Variants in ATP11C observed in about 807,000 individuals in gnomAD.
ATP11C encodes ATPase phospholipid transporting 11C (ATP11C blood group).
A neutral mutation model predicts 97.4 loss-of-function variants in ATP11C; 36 were observed. The ratio of observed to expected loss-of-function variants is 0.37; its 90% confidence interval spans 0.28 to 0.49. The LOEUF (loss-of-function observed/expected upper bound fraction) is 0.49, where lower values mean the gene tolerates loss of function less well. ATP11C is among the 20% of genes least tolerant of loss of function. ATP11C has a pLI of 0.98. For synonymous variants in ATP11C, 275 were observed against 290.9 expected (o/e 0.95, Z 0.56); for missense variants, 730 against 824.6 (o/e 0.89, Z 1.40).
At chrX:139,911,476 G>T (rs1038758857) in intron 1 of ATP11C, among the ~76,000 whole-genome samples, 13 of 112,011 alleles carry the variant, frequency 1.2e-4, no homozygotes, top group Non-Finnish European at 2.1e-4. Flanking sequence ...ACAATAGCAA[G>T]TGTTGAGAAA....
At chrX:139,847,283 T>A (rs562840581) in intron 1 of ATP11C, among the ~76,000 whole-genome samples, 2 of 110,654 alleles carry the variant, frequency 1.8e-5, no homozygotes, top group East Asian at 5.7e-4. Flanking sequence ...CTCGGGAGAT[T>A]GAGGCAGGAG....
chrX:139,734,879 G>T (rs1355596814), intron 28 of ATP11C, among the ~76,000 whole-genome samples: 1 of 111,606 alleles, frequency 9.0e-6, no homozygotes, highest in African/African-American at 3.3e-5. Flanking sequence ...TACATTTGAA[G>T]ATACTGGAAT....
chrX:139,860,259 A>G lies in ATP11C; in HGVS notation c.28-33436T>C, dbSNP rs750968181. Among the ~76,000 whole-genome samples, 3 of 111,725 alleles carry G rather than the reference A, an allele frequency of 2.7e-5. No homozygotes were observed. The East Asian group carries it at 8.4e-4, about 31-fold the overall frequency. Reference sequence around the variant, plus strand: ...ATAGGTAGAGAGATGCAGCAAGAGTAAAACTGCACCATTTATGCCAACTCT... The same window carrying G: ...ATAGGTAGAGAGATGCAGCAAGAGTGAAACTGCACCATTTATGCCAACTCT... On this transcript the variant is annotated intron_variant, in intron 1 of 29. Transcript: ENST00000682941.
chrX:139,859,599 G>A (rs2084148229), intron 1 of ATP11C, among the ~76,000 whole-genome samples: 1 of 111,986 alleles, frequency 8.9e-6, no homozygotes, highest in Admixed American at 9.5e-5. Context: ...CAACCTTAAT[G>A]TGTTACCAGA....
At chrX:139,883,407 T>C (rs1361155) in intron 1 of ATP11C, among the ~76,000 whole-genome samples, 5,501 of 110,759 alleles carry the variant, frequency 0.05, 236 homozygotes, top group East Asian at 0.29. Context: ...CGACTGGTTA[T>C]TTCATGAACT....
chrX:139,751,671 G>A (rs894930326), intron 23 of ATP11C, among the ~76,000 whole-genome samples: 2 of 110,663 alleles, frequency 1.8e-5, no homozygotes, highest in East Asian at 2.9e-4. Context: ...TCACATGACA[G>A]ATAATTGTAA....
In ATP11C at chrX:139,762,225, T is replaced by C. The variant is rs758893817; in HGVS notation, c.2495-119A>G. 5.3e-5 allele frequency: 31 copies of C among 584,656 alleles called. No homozygotes were observed. In the East Asian group the frequency reaches 1.1e-3, roughly 20 times the overall value. The allele number at this position is 584,656 out of a possible 1,213,427, so 48.2% of individuals were successfully genotyped here. A position where few individuals can be genotyped will look rare whatever the true frequency, so the allele number is the denominator to read the frequency against. ...TCAATTCTATCAATTAGTTTTCCTT[T>C]TTTAAAAACCAAAAGAGCTTTCTTT... On this transcript the variant is annotated intron_variant, in intron 21 of 29. Transcript: ENST00000682941.
rs1193832988 is a variant in ATP11C at position 139,727,368 on chromosome X, C to T, written c.*1598G>A. On this transcript the variant is annotated 3_prime_UTR_variant, in exon 30 of 30. Coordinates refer to ENST00000682941, the MANE Select transcript of ATP11C (RefSeq NM_001353812.2). The stretch of plus-strand genomic sequence containing the variant: ...AAATACGGGCTACCAGAACACAGCA[C>T]ACTTAGGTAAGTTGTGAATGACATG... 1 of 111,676 alleles carries T rather than the reference C, an allele frequency of 9.0e-6. No homozygotes were observed. The highest frequency in any genetic ancestry group is 9.6e-5 in the Admixed American group (1 of 10,450). The allele number at this position is 111,676 out of a possible 1,213,427, so 9.2% of individuals were successfully genotyped here. A position where few individuals can be genotyped will look rare whatever the true frequency, so the allele number is the denominator to read the frequency against.
At chrX:139,815,821 ATTC>A (rs780107631) in intron 4 of ATP11C, among the ~76,000 whole-genome samples, 1,115 of 110,660 alleles carry the variant, frequency 0.01, 6 homozygotes, top group African/African-American at 0.035. Context: ...TACTATATCC[ATTC>A]TTCTTCTGTC....
chrX:139,804,680 C>T (rs779692433), intron 5 of ATP11C, 81 bp from the exon 6 acceptor site: 1 of 806,627 alleles, frequency 1.2e-6, no homozygotes, highest in Middle Eastern at 4.7e-4. Context: ...AAAACATTAG[C>T]AAGAGATTAT....
chrX:139,771,644 T>C (rs2055740158), intron 19 of ATP11C, among the ~76,000 whole-genome samples: 1 of 111,644 alleles, frequency 9.0e-6, no homozygotes, highest in Admixed American at 9.5e-5. Context: ...ATGAGGAACT[T>C]GTTGGGAACC....
At chrX:139,792,058 C>CCAA (rs1234349114) in intron 12 of ATP11C, among the ~76,000 whole-genome samples, 2 of 110,157 alleles carry the variant, frequency 1.8e-5, no homozygotes, top group East Asian at 5.7e-4. Context: ...ACTGGAAAGA[C>CCAA]CAAGGCATGA....
intron 7 of ATP11C, 149 bp from the exon 8 acceptor site, chrX:139,800,259 GA>G (rs993721033): frequency 2.6e-4 from 112 of 438,945 alleles, no homozygotes; most frequent in Admixed American, 2.2e-3. Context: ...ATTTCTGGGG[GA>G]AAAAAAGTTA....
At chrX:139,933,215 A>T (rs2085475394), upstream of ATP11C, 1 of 108,870 alleles carries the variant, frequency 9.2e-6, no homozygotes, top group African/African-American at 3.4e-5. Flanking sequence ...GAGCTCCCCC[A>T]CACGCTAGTC....
chrX:139,909,425 G>A (rs1296624075), intron 1 of ATP11C, among the ~76,000 whole-genome samples: 2 of 110,885 alleles, frequency 1.8e-5, no homozygotes, highest in Non-Finnish European at 3.8e-5. Context: ...GAGTTATTGC[G>A]CCCGGCCCAC....
chrX:139,926,630 A>G (rs2085355750), intron 1 of ATP11C, among the ~76,000 whole-genome samples: 1 of 112,492 alleles, frequency 8.9e-6, no homozygotes, highest in Non-Finnish European at 1.9e-5. Context: ...AATTCAGCTA[A>G]AAGTTAATTA....
intron 23 of ATP11C, among the ~76,000 whole-genome samples, chrX:139,753,894 C>G (rs955499770): frequency 9.1e-6 from 1 of 110,248 alleles, no homozygotes; most frequent in Non-Finnish European, 1.9e-5. Flanking sequence ...AATTAACAAC[C>G]CAACATCACA....
At chrX:139,824,644 G>A (rs1214848368) in intron 2 of ATP11C, among the ~76,000 whole-genome samples, 1 of 111,229 alleles carries the variant, frequency 9.0e-6, no homozygotes. Context: ...CCAAGATCGC[G>A]CCACTGAACT....
chrX:139,893,755 A>T (rs2084765945), intron 1 of ATP11C, among the ~76,000 whole-genome samples: 1 of 111,003 alleles, frequency 9.0e-6, no homozygotes, highest in Admixed American at 9.7e-5. Flanking sequence ...AAAAAAAAAA[A>T]ATTGCACAAC....
Sources: gnomAD v4.1 joint callset for allele counts (sites outside exome capture counted in the v4.1 genomes callset) on GRCh38, gnomAD v4.1.1 for gene constraint, MANE v1.5 for transcripts, NCBI Gene and HGNC (gene_info 2026-07-23, HGNC 2026-07-21) for gene names.